The following ANKRD18B variants were observed in gnomAD, a reference collection of about 807,000 sequenced individuals.
The protein encoded by ANKRD18B is ankyrin repeat domain 18B.
ANKRD18B carries 75 observed loss-of-function variants against 111.8 expected under a neutral mutation model. That is an observed-to-expected ratio of 0.67 (90% CI 0.56 to 0.81). The LOEUF (loss-of-function observed/expected upper bound fraction) is 0.81. ANKRD18B is among the 40% of genes least tolerant of loss of function. ANKRD18B has a pLI of 0.00. For synonymous variants in ANKRD18B, 356 were observed against 417.3 expected, an observed-to-expected ratio of 0.85 and a Z score of 1.79; for missense variants, 1,038 against 1,225.5, an observed-to-expected ratio of 0.85 and a Z score of 2.28.
chr9:33,524,665 G>A lies in ANKRD18B; in HGVS notation c.176G>A (p.Arg59Gln), dbSNP rs747702270. ...GAGCACTGCCTGACGCGCAGGTTCC[G>A]GGACTTGGACGTCCGCGACAGAAAA... is the stretch of plus-strand genomic sequence containing the variant. ...EVEHCLTRRFRDLDVRDRKDR... is the reference protein window; with the variant it reads ...EVEHCLTRRFQDLDVRDRKDR... The change falls in exon 1 of 19, where the codon CGG becomes CAG. Residue 59 changes from arginine to glutamine, a missense_variant. Physicochemically the swap from Arg to Gln is conservative, Grantham distance 43. Transcript: ENST00000684830. The A allele has an allele frequency of 5.1e-5, 79 of 1,550,812 alleles. No homozygotes were observed. The highest frequency in any genetic ancestry group is 5.9e-5 in the Non-Finnish European group (68 of 1,146,746).
chr9:33,547,903 G>T, intron 10 of ANKRD18B, 35 bp from the exon 11 acceptor site: 1 of 1,301,880 alleles, frequency 7.7e-7, no homozygotes, highest in Non-Finnish European at 1.0e-6. Flanking sequence ...AGATTATTTT[G>T]AGTGCTAACT....
intron 6 of ANKRD18B, among the ~76,000 whole-genome samples, chr9:33,537,998 G>A (rs1209984562): frequency 6.6e-6 from 1 of 152,158 alleles, no homozygotes; most frequent in Admixed American, 6.5e-5. Context: ...AAAATGGTTG[G>A]TTTTGCTGTC....
chr9:33,570,028 C>A (rs1054260834), intron 17 of ANKRD18B, among the ~76,000 whole-genome samples: 1 of 152,152 alleles, frequency 6.6e-6, no homozygotes, highest in South Asian at 2.1e-4. Flanking sequence ...TTCACAATAA[C>A]AAAGACATGG....
At position 33,531,983 on chromosome 9, in the gene ANKRD18B, T is replaced by C. The variant is rs368342734; in HGVS notation, c.496-1456T>C. Reference sequence around the variant, plus strand: ...GATGCGATGGCTCATGCTTGTAATCTCAGCACTTTGGGAGGCCGAGGAGGG... The same window carrying C: ...GATGCGATGGCTCATGCTTGTAATCCCAGCACTTTGGGAGGCCGAGGAGGG... On this transcript the variant is annotated intron_variant, in intron 3 of 18. Transcript: ENST00000684830. Among the ~76,000 whole-genome samples the C allele has an allele frequency of 1.4e-4, 22 of 152,196 alleles. 1 individual carries two copies. The South Asian group carries it at 2.5e-3, about 17-fold the overall frequency.
chr9:33,556,288 G>T (rs377380320), intron 13 of ANKRD18B, among the ~76,000 whole-genome samples: 1 of 152,120 alleles, frequency 6.6e-6, no homozygotes, highest in South Asian at 2.1e-4. Context: ...TTTTGAGACA[G>T]AGTCTGGCTC....
intron 17 of ANKRD18B, among the ~76,000 whole-genome samples, chr9:33,569,390 A>G (rs1226969363): frequency 1.3e-5 from 2 of 150,440 alleles, no homozygotes; most frequent in East Asian, 4.0e-4. Flanking sequence ...TCAGCCTCCC[A>G]AGTAGCTGGG....
At position 33,569,070 on chromosome 9, in the gene ANKRD18B, C is replaced by G. The variant is rs914136681; in HGVS notation, c.3177+177C>G. On this transcript the variant is annotated intron_variant, in intron 17 of 18. Transcript: ENST00000684830. ...TTACATTTTTTAATTCCCTGGAGCTCTCATTTTCAAGAGACACCCATTTGC... is the reference window on the plus strand; with the variant it reads ...TTACATTTTTTAATTCCCTGGAGCTGTCATTTTCAAGAGACACCCATTTGC... 1.6e-5 allele frequency: 9 copies of G among 552,296 alleles called. No homozygotes were observed. The Admixed American group carries it at 1.6e-4, about 10-fold the overall frequency. The allele number at this position is 552,296 out of a possible 1,614,324, so 34.2% of individuals were successfully genotyped here.
At chr9:33,557,353 A>T (rs917429333) in intron 13 of ANKRD18B, among the ~76,000 whole-genome samples, 8 of 151,778 alleles carry the variant, frequency 5.3e-5, no homozygotes, top group Non-Finnish European at 1.2e-4. Context: ...ATCAAAATTT[A>T]TTTTTGTGTC....
rs1382649012 is a variant in ANKRD18B at position 33,572,919 on chromosome 9, T to G, written c.*485T>G. The G allele has an allele frequency of 4.0e-6, 1 of 251,820 alleles. No individual in the cohort carries two copies. The highest frequency in any genetic ancestry group is 6.0e-5 in the Admixed American group (1 of 16,796). 15.6% of individuals were successfully genotyped at this position (251,820 alleles called of 1,614,324 possible). On this transcript the variant is annotated 3_prime_UTR_variant, in exon 19 of 19. Transcript: ENST00000684830. The stretch of plus-strand genomic sequence containing the variant: ...TGGATGACTTGTGTTTGAACAAGTA[T>G]TACTGTGATGGTTGCCAGATGATTA...
At chr9:33,532,712 C>G (rs1355070395) in intron 3 of ANKRD18B, among the ~76,000 whole-genome samples, 2 of 152,180 alleles carry the variant, frequency 1.3e-5, no homozygotes, top group South Asian at 2.1e-4. Context: ...CATTGGCATC[C>G]TGAGACCATT....
chr9:33,524,599 A>C lies in ANKRD18B; in HGVS notation c.110A>C (p.Lys37Thr). ...CACATTCGGGACTGGGAACTGCGGAAGATCCACAGGGCGGCCATCAAGGGC... is the reference window on the plus strand; with the variant it reads ...CACATTCGGGACTGGGAACTGCGGACGATCCACAGGGCGGCCATCAAGGGC... ...GYHIRDWELR[K>T]IHRAAIKGDA... The change falls in exon 1 of 19, where the codon AAG (lysine) becomes ACG (threonine). Residue 37 changes from lysine to threonine, a missense_variant. Lys to Thr is a moderately conservative substitution (Grantham distance 78). Transcript: ENST00000684830. The C allele has an allele frequency of 1.3e-6, 2 of 1,551,578 alleles. No individual in the cohort carries two copies. The highest frequency in any genetic ancestry group is 1.2e-5 in the South Asian group (1 of 84,056).
chr9:33,524,397 G>T lies in ANKRD18B; in HGVS notation c.-93G>T, dbSNP rs1399232894. 2 of 1,401,984 alleles carry T rather than the reference G, an allele frequency of 1.4e-6. No individual in the cohort carries two copies. Among genetic ancestry groups the T allele is most frequent in the East Asian group, 5.1e-5 (2 of 39,266 alleles). 86.8% of individuals were successfully genotyped at this position (1,401,984 alleles called of 1,614,324 possible). On this transcript the variant is annotated 5_prime_UTR_variant, in exon 1 of 19. Transcript: ENST00000684830. ...GGGGTGGATCGCTGGGTGGGGAGGG[G>T]GATCTCGAATTTGGAGCTGGGTGGG...
At chr9:33,567,509 C>CA (rs1554648889) in intron 16 of ANKRD18B, among the ~76,000 whole-genome samples, 195 bp downstream of exon 16, 1 of 151,304 alleles carries the variant, frequency 6.6e-6, no homozygotes, top group African/African-American at 2.4e-5. Context: ...TCTCTCTTCT[C>CA]TTTTTTTGCT....
intron 1 of ANKRD18B, among the ~76,000 whole-genome samples, chr9:33,528,384 A>G (rs1481689079): frequency 2.0e-5 from 3 of 152,364 alleles, no homozygotes; most frequent in Middle Eastern, 3.4e-3. Flanking sequence ...TCATTTAAGC[A>G]TCACAGTGGT....
chr9:33,536,066 T>G (rs906180649), intron 5 of ANKRD18B, among the ~76,000 whole-genome samples: 1 of 152,042 alleles, frequency 6.6e-6, no homozygotes, highest in African/African-American at 2.4e-5. Context: ...GTGCAGCCTC[T>G]AACACAGACC....
intron 7 of ANKRD18B, among the ~76,000 whole-genome samples, chr9:33,539,717 T>C (rs1255553880): frequency 6.6e-6 from 1 of 152,160 alleles, no homozygotes; most frequent in Non-Finnish European, 1.5e-5. Flanking sequence ...TCTAATAGTA[T>C]AGAAATGAGT....
intron 16 of ANKRD18B, among the ~76,000 whole-genome samples, chr9:33,567,554 A>G (rs12235398): frequency 0.089 from 13,494 of 152,222 alleles, 620 homozygotes; most frequent in South Asian, 0.098. Flanking sequence ...AGTCTCATGT[A>G]GTTAACCTGA....
intron 14 of ANKRD18B, among the ~76,000 whole-genome samples, chr9:33,565,489 T>C (rs192449146): frequency 6.6e-6 from 1 of 152,202 alleles, no homozygotes; most frequent in African/African-American, 2.4e-5. Flanking sequence ...TTTTGAGATA[T>C]GGTCTTTGTC....
Position 33,572,820 on chromosome 9 carries a change from A to G in ANKRD18B, c.*386A>G. The stretch of plus-strand genomic sequence containing the variant: ...GATTTTCTTTTTGTAGTTCAATAGT[A>G]TTTTGTGTGGAGATACTTTGAAGCT... On this transcript the variant is annotated 3_prime_UTR_variant, in exon 19 of 19. Coordinates refer to ENST00000684830, the MANE Select transcript of ANKRD18B (RefSeq NM_001393611.1). The G allele has an allele frequency of 1.2e-6, 1 of 844,894 alleles. No homozygotes were observed. Among genetic ancestry groups the G allele is most frequent in the Non-Finnish European group, 1.4e-6 (1 of 698,394 alleles). The allele number at this position is 844,894 out of a possible 1,614,324, so 52.3% of individuals were successfully genotyped here.
Sources: allele counts gnomAD v4.1 joint callset (sites outside exome capture counted in the v4.1 genomes callset), GRCh38; gene constraint gnomAD v4.1.1; transcripts MANE v1.5; gene names NCBI Gene and HGNC (gene_info 2026-07-23, HGNC 2026-07-21).